The following ACSF3 variants were observed in gnomAD, a reference collection of about 807,000 sequenced individuals.
ACSF3 encodes the protein malonate--CoA ligase ACSF3, mitochondrial.
In ACSF3, 78 loss-of-function variants were observed where a neutral mutation model predicts 53.2. That is an observed-to-expected ratio of 1.47 (90% CI 1.22 to 1.77). The LOEUF (loss-of-function observed/expected upper bound fraction) is 1.77, where lower values mean the gene tolerates loss of function less well. Ranked by LOEUF, ACSF3 falls within the 40% of genes most tolerant of loss-of-function variation. ACSF3 has a pLI of 0.00. For synonymous variants in ACSF3, 414 were observed against 333.1 expected (o/e 1.24, Z -2.65); for missense variants, 937 against 771.1 (o/e 1.22, Z -2.55).
At chr16:89,106,740 C>T (rs1224893344) in intron 4 of ACSF3, among the ~76,000 whole-genome samples, 2 of 152,198 alleles carry the variant, frequency 1.3e-5, no homozygotes, top group Admixed American at 6.5e-5. Flanking sequence ...GGGATTTTGT[C>T]TAAGATTGTG....
chr16:89,121,014 TCCAC>T, intron 7 of ACSF3, 101 bp downstream of exon 7: 3 of 1,072,424 alleles, frequency 2.8e-6, no homozygotes, highest in Non-Finnish European at 4.2e-6. Context: ...CAGACTCCCC[TCCAC>T]GCAGGGGACC....
chr16:89,107,323 C>G (rs1348900773), intron 4 of ACSF3, among the ~76,000 whole-genome samples: 1 of 152,190 alleles, frequency 6.6e-6, no homozygotes, highest in African/African-American at 2.4e-5. Flanking sequence ...CACCTCCGCG[C>G]CTGCTCCCTG....
chr16:89,110,137 A>C (rs768098975), intron 4 of ACSF3, among the ~76,000 whole-genome samples: 5 of 152,214 alleles, frequency 3.3e-5, no homozygotes, highest in Non-Finnish European at 7.3e-5. Flanking sequence ...TTTATAAAAA[A>C]AATTTTAAAA....
At chr16:89,102,557 G>T in intron 3 of ACSF3, 47 bp from the exon 4 acceptor site, 1 of 1,609,568 alleles carries the variant, frequency 6.2e-7, no homozygotes, top group East Asian at 2.2e-5. Flanking sequence ...TGCTGTTGCG[G>T]GCCACAGTCT....
rs1910526400 is a variant in ACSF3 at position 89,136,603 on chromosome 16, G to A, written c.1366+3341G>A. 3 of 1,286,600 alleles carry A rather than the reference G, an allele frequency of 2.3e-6. No individual in the cohort carries two copies. In the South Asian group the frequency reaches 3.7e-5, roughly 16 times the overall value. The allele number at this position is 1,286,600 out of a possible 1,614,324, so 79.7% of individuals were successfully genotyped here. The stretch of plus-strand genomic sequence containing the variant: ...AGCCGGCGGGCACAGGGGACAGCCA[G>A]GGATGGCTGGACACAGCTGAGGATG... On this transcript the variant is annotated intron_variant, in intron 8 of 10. Transcript: ENST00000614302.
rs963828969 is a variant in ACSF3 at position 89,156,018 on chromosome 16, C to T, written c.*1811C>T. ...GTTGACCAGCCGGTTGACCAGAATA[C>T]GGTGCTCCAAGGACATGCGGTTGAA... On this transcript the variant is annotated 3_prime_UTR_variant, in exon 11 of 11. Coordinates refer to ENST00000614302, the MANE Select transcript of ACSF3 (RefSeq NM_001243279.3). 1.3e-5 allele frequency among the ~76,000 whole-genome samples: 2 copies of T among 152,214 alleles called. No individual in the cohort carries two copies. The highest frequency in any genetic ancestry group is 2.9e-5 in the Non-Finnish European group (2 of 68,044).
intron 7 of ACSF3, among the ~76,000 whole-genome samples, chr16:89,127,839 A>T (rs543026840): frequency 1.3e-5 from 2 of 152,164 alleles, no homozygotes; most frequent in African/African-American, 2.4e-5. Flanking sequence ...AGGCCACGAA[A>T]CCATTAAAAG....
chr16:89,142,922 TA>T (rs762601918), intron 8 of ACSF3, among the ~76,000 whole-genome samples: 1 of 152,204 alleles, frequency 6.6e-6, no homozygotes, highest in Non-Finnish European at 1.5e-5. Flanking sequence ...CTTGTATTCA[TA>T]AATTAAGCTC....
At chr16:89,130,989 G>T (rs1453323271) in intron 7 of ACSF3, among the ~76,000 whole-genome samples, 2 of 152,006 alleles carry the variant, frequency 1.3e-5, no homozygotes, top group African/African-American at 4.8e-5. Flanking sequence ...CAATCCATGA[G>T]ATTCTTTATT....
chr16:89,136,632 G>A (rs1221941164), intron 8 of ACSF3: 14 of 1,287,226 alleles, frequency 1.1e-5, no homozygotes, highest in South Asian at 8.6e-5. Context: ...GAGGATGGCC[G>A]AGGCCGGCCT....
At chr16:89,107,046 G>A (rs1230733158) in intron 4 of ACSF3, among the ~76,000 whole-genome samples, 1 of 152,248 alleles carries the variant, frequency 6.6e-6, no homozygotes, top group African/African-American at 2.4e-5. Context: ...ACTCAGGAGG[G>A]CTGCCATCTG....
intron 10 of ACSF3, chr16:89,153,863 G>A: frequency 3.4e-6 from 2 of 584,946 alleles, no homozygotes; most frequent in Non-Finnish European, 3.1e-6. Context: ...GGCTTCTGTG[G>A]TACCAGTGAT....
At chr16:89,118,430 A>G (rs1905741565) in intron 6 of ACSF3, among the ~76,000 whole-genome samples, 1 of 152,236 alleles carries the variant, frequency 6.6e-6, no homozygotes, top group Admixed American at 6.5e-5. Flanking sequence ...GGCACGGTGG[A>G]GGAGAGCTTT....
chr16:89,154,561 A>AAAGC lies in ACSF3; in HGVS notation c.*356_*357insGCAA. ...GGCAGGTCCCAGAGGTTTCCCACAA[A>AAAGC]AAACAAAGACTCCACTGGAGGAAAC... On this transcript the variant is annotated 3_prime_UTR_variant, in exon 11 of 11. Transcript: ENST00000614302. The AAAGC allele has an allele frequency of 3.3e-6, 1 of 305,524 alleles. No homozygotes were observed. Among genetic ancestry groups the AAAGC allele is most frequent in the Non-Finnish European group, 6.1e-6 (1 of 164,482 alleles). 18.9% of individuals were successfully genotyped at this position (305,524 alleles called of 1,614,324 possible).
At chr16:89,119,353 T>C (rs924756465) in intron 6 of ACSF3, among the ~76,000 whole-genome samples, 17 of 152,170 alleles carry the variant, frequency 1.1e-4, no homozygotes, top group African/African-American at 4.1e-4. Flanking sequence ...GGTCCTCTTC[T>C]TATGAAACGC....
rs1190046538 is a variant in ACSF3, at chr16:89,154,801, C to T, written c.*594C>T. The T allele has an allele frequency of 6.6e-6, 3 of 454,036 alleles. No individual in the cohort carries two copies. The highest frequency in any genetic ancestry group is 1.3e-5 in the Non-Finnish European group (3 of 226,804). The allele number at this position is 454,036 out of a possible 1,614,324, so 28.1% of individuals were successfully genotyped here. On this transcript the variant is annotated 3_prime_UTR_variant, in exon 11 of 11. Transcript: ENST00000614302. ...CAGCTCCCACTGTGGGGACACCTGC[C>T]ACCCTGCACACTACTGTGTGTCCAT...
At chr16:89,124,695 A>ATG (rs60796279) in intron 7 of ACSF3, among the ~76,000 whole-genome samples, 136,769 of 151,168 alleles carry the variant, frequency 0.9, 62,247 homozygotes, top group Admixed American at 0.93. Flanking sequence ...CACACACTGC[A>ATG]TGTGTGTGTG....
intron 6 of ACSF3, among the ~76,000 whole-genome samples, chr16:89,118,659 C>T (rs965097992): frequency 1.3e-5 from 2 of 152,208 alleles, no homozygotes; most frequent in Non-Finnish European, 2.9e-5. Flanking sequence ...AATTCATGGC[C>T]GACCACTGCT....
chr16:89,125,799 C>A (rs1907915248), intron 7 of ACSF3, among the ~76,000 whole-genome samples: 1 of 152,212 alleles, frequency 6.6e-6, no homozygotes, highest in Non-Finnish European at 1.5e-5. Context: ...GTCTTCCAAT[C>A]CATGAACATG....
Sources: gnomAD v4.1 joint callset for allele counts (sites outside exome capture counted in the v4.1 genomes callset) on GRCh38, gnomAD v4.1.1 for gene constraint, MANE v1.5 for transcripts, NCBI Gene and HGNC (gene_info 2026-07-23, HGNC 2026-07-21) for gene names.